Variants in EFNA5 observed in about 807,000 individuals in gnomAD.
The protein encoded by EFNA5 is ephrin-A5.
A neutral mutation model predicts 22.9 loss-of-function variants in EFNA5; 5 were observed. That is an observed-to-expected ratio of 0.22 (90% CI 0.11 to 0.46). The LOEUF (loss-of-function observed/expected upper bound fraction) is 0.46. Ranked by LOEUF, EFNA5 falls within the 20% of genes least tolerant of loss-of-function variation. The probability of loss-of-function intolerance (pLI) is 0.99; values close to 1 mark genes in which losing one functional copy is unlikely to be tolerated. For synonymous variants in EFNA5, 113 were observed against 112.2 expected (o/e 1.01, Z -0.04); for missense variants, 237 against 293.3 (o/e 0.81, Z 1.40).
chr5:107,552,316 C>A (rs989205913), intron 1 of EFNA5, among the ~76,000 whole-genome samples: 2 of 152,154 alleles, frequency 1.3e-5, no homozygotes, highest in African/African-American at 4.8e-5. Flanking sequence ...ATAATAATAA[C>A]TGCTAATATT....
At position 107,396,199 on chromosome 5, in the gene EFNA5, T is replaced by C. The variant is rs140140990; in HGVS notation, c.419-8428A>G. 3.6e-3 allele frequency among the ~76,000 whole-genome samples: 548 copies of C among 152,352 alleles called. 8 individuals carry two copies. The highest frequency in any genetic ancestry group is 0.013 in the African/African-American group (528 of 41,584). On this transcript the variant is annotated intron_variant, in intron 2 of 4. Transcript: ENST00000333274. ...TTATTCTCCTTGGTGAGGGCTCTTT[T>C]AAGAAACATTACTTAGCGGTTTGAG...
chr5:107,387,736 G>A lies in EFNA5; in HGVS notation c.454C>T (p.Leu152=), dbSNP rs1747668465. The A allele has an allele frequency of 6.2e-7, 1 of 1,613,378 alleles. No individual in the cohort carries two copies. Among genetic ancestry groups the A allele is most frequent in the Non-Finnish European group, 8.5e-7 (1 of 1,179,578 alleles). ...GGTCTCACAAAGACTTTGAGCTTTA[G>A]ACAGGACCTTCTTCCATTATCTGGG... ...AIPDNGRRSC[L]KLKVFVRPTN... is the part of the protein sequence containing the mutation. Residue 152 remains leucine, a synonymous_variant, in exon 3 of 5, where the codon CTA becomes TTA. Transcript: ENST00000333274.
chr5:107,556,851 A>T (rs1399108731), intron 1 of EFNA5, among the ~76,000 whole-genome samples: 1 of 152,094 alleles, frequency 6.6e-6, no homozygotes, highest in African/African-American at 2.4e-5. Flanking sequence ...TCACCTGAAC[A>T]AATGCCCTCA....
chr5:107,572,381 G>A (rs574174541), intron 1 of EFNA5, among the ~76,000 whole-genome samples: 91 of 152,220 alleles, frequency 6.0e-4, no homozygotes, highest in African/African-American at 2.2e-3. Context: ...GTCCAGTCAC[G>A]GTTCTCTGCA....
At chr5:107,574,564 T>C (rs1353841432) in intron 1 of EFNA5, among the ~76,000 whole-genome samples, 2 of 152,122 alleles carry the variant, frequency 1.3e-5, no homozygotes, top group Non-Finnish European at 2.9e-5. Context: ...TTTCCCCCCA[T>C]GGAAAAACTA....
At chr5:107,438,417 C>T (rs1749172350) in intron 1 of EFNA5, among the ~76,000 whole-genome samples, 1 of 152,204 alleles carries the variant, frequency 6.6e-6, no homozygotes. Context: ...GACCCCTTTT[C>T]AGCCCCTGCC....
intron 1 of EFNA5, among the ~76,000 whole-genome samples, chr5:107,468,806 T>A (rs1750061850): frequency 6.6e-6 from 1 of 151,286 alleles, no homozygotes; most frequent in African/African-American, 2.4e-5. Flanking sequence ...AAAAAAAAAA[T>A]AGGCCATACA....
At chr5:107,584,745 T>C (rs1474960249) in intron 1 of EFNA5, among the ~76,000 whole-genome samples, 1 of 152,184 alleles carries the variant, frequency 6.6e-6, no homozygotes, top group Non-Finnish European at 1.5e-5. Context: ...GGACTTTGTG[T>C]GAATTTCTAG....
At chr5:107,478,069 A>G (rs1453699566) in intron 1 of EFNA5, among the ~76,000 whole-genome samples, 2 of 152,162 alleles carry the variant, frequency 1.3e-5, no homozygotes, top group Non-Finnish European at 2.9e-5. Context: ...ACAGATATAT[A>G]ATGCCATGAT....
chr5:107,493,007 AT>A (rs987825482), intron 1 of EFNA5, among the ~76,000 whole-genome samples: 2 of 151,030 alleles, frequency 1.3e-5, no homozygotes, highest in African/African-American at 4.9e-5. Flanking sequence ...AAAAAAAAAA[AT>A]ACATCTTTAA....
At chr5:107,425,551 G>A (rs868820727) in intron 2 of EFNA5, among the ~76,000 whole-genome samples, 1 of 152,308 alleles carries the variant, frequency 6.6e-6, no homozygotes, top group African/African-American at 2.4e-5. Flanking sequence ...TGCCTGAGAA[G>A]TGTGAATTCA....
chr5:107,482,800 C>T (rs918312278), intron 1 of EFNA5, among the ~76,000 whole-genome samples: 1 of 98,718 alleles, frequency 1.0e-5, no homozygotes, highest in Non-Finnish European at 1.9e-5. Context: ...TGGCTGCTCT[C>T]TCTCTCTCTC....
At chr5:107,478,076 T>C (rs1750359410) in intron 1 of EFNA5, among the ~76,000 whole-genome samples, 1 of 152,124 alleles carries the variant, frequency 6.6e-6, no homozygotes, top group Non-Finnish European at 1.5e-5. Context: ...TATAATGCCA[T>C]GATAGAAATG....
chr5:107,519,099 G>A lies in EFNA5; in HGVS notation c.126-91590C>T, dbSNP rs1266083665. On this transcript the variant is annotated intron_variant, in intron 1 of 4. Coordinates refer to ENST00000333274, the MANE Select transcript of EFNA5 (RefSeq NM_001962.3). Reference sequence around the variant, plus strand: ...CCAATGAAGATATTCCTCTTCCAGAGACACAAAGGTAGTTGCCACAAGAAC... The same window carrying A: ...CCAATGAAGATATTCCTCTTCCAGAAACACAAAGGTAGTTGCCACAAGAAC... Among the ~76,000 whole-genome samples the A allele has an allele frequency of 3.3e-5, 5 of 152,202 alleles. No individual in the cohort carries two copies. The East Asian group carries it at 9.6e-4, about 29-fold the overall frequency.
At chr5:107,466,338 C>T (rs1460479711) in intron 1 of EFNA5, among the ~76,000 whole-genome samples, 1 of 152,082 alleles carries the variant, frequency 6.6e-6, no homozygotes. Flanking sequence ...ACTTCATCCT[C>T]CCTGCCCAGT....
intron 1 of EFNA5, among the ~76,000 whole-genome samples, chr5:107,488,682 G>A (rs566018656): frequency 3.3e-5 from 5 of 151,678 alleles, no homozygotes; most frequent in Non-Finnish European, 5.9e-5. Flanking sequence ...CATTAAGACC[G>A]AAAAACAAAA....
chr5:107,423,621 G>T (rs1157801147), intron 2 of EFNA5, among the ~76,000 whole-genome samples: 2 of 152,088 alleles, frequency 1.3e-5, no homozygotes, highest in African/African-American at 2.4e-5. Context: ...TTAATCAATT[G>T]ACTGGCAGTT....
chr5:107,607,802 C>T (rs889644279), intron 1 of EFNA5, among the ~76,000 whole-genome samples: 3 of 152,132 alleles, frequency 2.0e-5, no homozygotes, highest in Non-Finnish European at 1.5e-5. Flanking sequence ...CAAAGGGCCT[C>T]ACCTTGCTTA....
intron 1 of EFNA5, among the ~76,000 whole-genome samples, chr5:107,624,677 C>T (rs1364706779): frequency 6.6e-6 from 1 of 152,122 alleles, no homozygotes; most frequent in Non-Finnish European, 1.5e-5. Flanking sequence ...ATTAACTCCA[C>T]CTCAAAAGAG....
Sources: allele counts gnomAD v4.1 joint callset (sites outside exome capture counted in the v4.1 genomes callset), GRCh38; gene constraint gnomAD v4.1.1; transcripts MANE v1.5; gene names NCBI Gene and HGNC (gene_info 2026-07-23, HGNC 2026-07-21).